Variants in AGAP1 observed in about 807,000 individuals in gnomAD.
The protein encoded by AGAP1 is ArfGAP with GTPase domain, ankyrin repeat and PH domain 1, also known as arf-GAP with GTPase, ANK repeat and PH domain-containing protein 1.
AGAP1 carries 29 observed loss-of-function variants against 105.3 expected under a neutral mutation model. That is an observed-to-expected ratio of 0.28 (90% CI 0.21 to 0.38). AGAP1 has a LOEUF of 0.38. Among genes scored for constraint, AGAP1 ranks in the 10% least tolerant of loss-of-function variants. AGAP1 has a pLI of 1.00. For synonymous variants in AGAP1, 509 were observed against 485.9 expected (o/e 1.05, Z -0.63); for missense variants, 998 against 1,165.1 (o/e 0.86, Z 2.09).
intron 16 of AGAP1, among the ~76,000 whole-genome samples, chr2:236,111,960 C>T (rs1173512472): frequency 6.6e-6 from 1 of 152,180 alleles, no homozygotes; most frequent in African/African-American, 2.4e-5. Flanking sequence ...CGCGACTGGT[C>T]TTGCTCAGGT....
intron 1 of AGAP1, among the ~76,000 whole-genome samples, chr2:235,604,923 C>CG (rs574243459): frequency 4.5e-4 from 68 of 152,094 alleles, no homozygotes; most frequent in African/African-American, 1.3e-3. Context: ...CTCTGTCCCC[C>CG]GGGCTGGAGG....
Position 236,036,543 on chromosome 2 carries a change from C to G in AGAP1, c.1646-18C>G, listed in dbSNP as rs1440450657. The G allele has an allele frequency of 6.2e-7, 1 of 1,613,222 alleles. No homozygotes were observed. Among genetic ancestry groups the G allele is most frequent in the Admixed American group, 1.7e-5 (1 of 59,990 alleles). On this transcript the variant is annotated intron_variant, in intron 13 of 17. Coordinates refer to ENST00000304032, the MANE Select transcript of AGAP1 (RefSeq NM_001037131.3). This position sits in a 1 kb window ranked among gnomAD's most constrained non-coding sequence, Gnocchi z 5.7. The stretch of plus-strand genomic sequence containing the variant: ...TCTCATAAAAGCTAAACTCTTCATC[C>G]CACACTCTGTGTTTCAGAACAAGAA...
At chr2:235,670,532 C>T (rs375080093) in intron 1 of AGAP1, 3 of 482,040 alleles carry the variant, frequency 6.2e-6, no homozygotes, top group South Asian at 3.2e-5. Context: ...GGAGGGGGCC[C>T]GGGCCGCGCC....
intron 6 of AGAP1, among the ~76,000 whole-genome samples, chr2:235,785,448 A>G (rs565930115): frequency 9.2e-5 from 14 of 152,218 alleles, no homozygotes. Flanking sequence ...CTGATTTCAA[A>G]ATCGACTTTT....
chr2:236,048,834 A>C (rs1342332932), intron 15 of AGAP1, among the ~76,000 whole-genome samples: 1 of 152,226 alleles, frequency 6.6e-6, no homozygotes, highest in South Asian at 2.1e-4. Context: ...GGGAAATTCC[A>C]AGGCTTTGGC....
chr2:235,732,642 A>G lies in AGAP1; in HGVS notation c.311-8321A>G, dbSNP rs1054184711. Reference sequence around the variant, plus strand: ...ATTTTCCCTGCTGGGGAGCCTTTGCATAATGTCCCCAGCCCTGCTCTTCAG... The same window carrying G: ...ATTTTCCCTGCTGGGGAGCCTTTGCGTAATGTCCCCAGCCCTGCTCTTCAG... On this transcript the variant is annotated intron_variant, in intron 3 of 17. Coordinates refer to ENST00000304032, the MANE Select transcript of AGAP1 (RefSeq NM_001037131.3). The surrounding 1 kb of genome is among the most constrained non-coding windows in gnomAD (Gnocchi z 4.8). 6.6e-6 allele frequency among the ~76,000 whole-genome samples: 1 copy of G among 151,904 alleles called. No individual in the cohort carries two copies. The highest frequency in any genetic ancestry group is 6.6e-5 in the Admixed American group (1 of 15,258).
chr2:236,019,797 G>A (rs1349246114), intron 13 of AGAP1, among the ~76,000 whole-genome samples: 1 of 152,242 alleles, frequency 6.6e-6, no homozygotes, highest in African/African-American at 2.4e-5. Flanking sequence ...AGGCAGCCCT[G>A]CCTGACAATC....
In AGAP1 at chr2:236,044,149, A is replaced by G. The variant is rs944215808; in HGVS notation, c.1891+3308A>G. Among the ~76,000 whole-genome samples, 2 of 151,822 alleles carry G rather than the reference A, an allele frequency of 1.3e-5. No homozygotes were observed. The highest frequency in any genetic ancestry group is 6.6e-5 in the Admixed American group (1 of 15,232). On this transcript the variant is annotated intron_variant, in intron 15 of 17. Transcript: ENST00000304032. This position sits in a 1 kb window ranked among gnomAD's most constrained non-coding sequence, Gnocchi z 5.7. ...TTTGGGAAACTCTTAACAACGTCCGACTCCCAGGAAGTTGCAGCCTTCGGA... is the reference window on the plus strand; with the variant it reads ...TTTGGGAAACTCTTAACAACGTCCGGCTCCCAGGAAGTTGCAGCCTTCGGA...
At chr2:236,063,946 A>G (rs1437099266) in intron 16 of AGAP1, among the ~76,000 whole-genome samples, 2 of 152,260 alleles carry the variant, frequency 1.3e-5, no homozygotes, top group African/African-American at 2.4e-5. Flanking sequence ...TCTCTGATGT[A>G]CGTGATCTAA....
At chr2:236,091,924 A>G (rs945717137) in intron 16 of AGAP1, among the ~76,000 whole-genome samples, 4 of 152,238 alleles carry the variant, frequency 2.6e-5, no homozygotes, top group Non-Finnish European at 4.4e-5. Flanking sequence ...CACTGTGGAA[A>G]ACTACTTGGC....
chr2:235,724,116 G>T lies in AGAP1; in HGVS notation c.310+6472G>T, dbSNP rs970390857. ...GTCTTCATGAGCTTAATTCAGCAGG[G>T]GCTCCTTCCTTCAGTGATGGAATCT... On this transcript the variant is annotated intron_variant, in intron 3 of 17. Transcript: ENST00000304032. The surrounding 1 kb of genome is among the most constrained non-coding windows in gnomAD (Gnocchi z 4.9). Among the ~76,000 whole-genome samples, 8 of 152,284 alleles carry T rather than the reference G, an allele frequency of 5.3e-5. No homozygotes were observed. Among genetic ancestry groups the T allele is most frequent in the African/African-American group, 1.9e-4 (8 of 41,570 alleles).
rs1022141991 is a variant in AGAP1 at position 235,712,133 on chromosome 2, G to C, written c.222+2896G>C. Among the ~76,000 whole-genome samples the C allele has an allele frequency of 4.0e-5, 6 of 151,770 alleles. No homozygotes were observed. Among genetic ancestry groups the C allele is most frequent in the Non-Finnish European group, 8.8e-5 (6 of 67,972 alleles). ...TGCCTCCTGGGTTCAAGTGATTCTCGTGCCTCAGCCTCCCAAGTAGCTGGG... is the reference window on the plus strand; with the variant it reads ...TGCCTCCTGGGTTCAAGTGATTCTCCTGCCTCAGCCTCCCAAGTAGCTGGG... On this transcript the variant is annotated intron_variant, in intron 2 of 17. Coordinates refer to ENST00000304032, the MANE Select transcript of AGAP1 (RefSeq NM_001037131.3). The surrounding 1 kb of genome is among the most constrained non-coding windows in gnomAD (Gnocchi z 6.0).
intron 16 of AGAP1, among the ~76,000 whole-genome samples, chr2:236,098,573 A>T (rs1439300896): frequency 2.7e-5 from 4 of 150,634 alleles, no homozygotes; most frequent in Non-Finnish European, 4.4e-5. Flanking sequence ...CTATAGCAAA[A>T]ATAAATTAAA....
At chr2:235,575,792 C>A (rs1405843050) in intron 1 of AGAP1, among the ~76,000 whole-genome samples, 1 of 152,138 alleles carries the variant, frequency 6.6e-6, no homozygotes, top group Non-Finnish European at 1.5e-5. Context: ...ATGTGTCTTT[C>A]TTCTGTTTCT....
chr2:235,894,868 A>G (rs969296362), intron 10 of AGAP1, among the ~76,000 whole-genome samples: 1 of 152,080 alleles, frequency 6.6e-6, no homozygotes, highest in African/African-American at 2.4e-5. Flanking sequence ...CCGTTGCCCC[A>G]CCCGCTTCCA....
rs550886940 is a variant in AGAP1, at chr2:236,042,033, G to A, written c.1891+1192G>A. On this transcript the variant is annotated intron_variant, in intron 15 of 17. Transcript: ENST00000304032. This position sits in a 1 kb window ranked among gnomAD's most constrained non-coding sequence, Gnocchi z 5.6. ...AACCAGTAGAAGCTAGTTGGAGTGT[G>A]AGTGCCAAGTGAAACTTTTTCCAGC... is the stretch of plus-strand genomic sequence containing the variant. Among the ~76,000 whole-genome samples the A allele has an allele frequency of 6.6e-6, 1 of 152,310 alleles. No individual in the cohort carries two copies. The highest frequency in any genetic ancestry group is 1.9e-4 in the East Asian group (1 of 5,176).
At chr2:235,886,164 A>G (rs1038086043) in intron 10 of AGAP1, among the ~76,000 whole-genome samples, 1 of 152,192 alleles carries the variant, frequency 6.6e-6, no homozygotes, top group South Asian at 2.1e-4. Flanking sequence ...CTGCCCTGTT[A>G]CTGGCTTAGC....
chr2:236,030,475 G>C (rs2057191041), intron 13 of AGAP1, among the ~76,000 whole-genome samples: 1 of 152,222 alleles, frequency 6.6e-6, no homozygotes, highest in Admixed American at 6.5e-5. Flanking sequence ...GGGCCTCCCG[G>C]CTCCTTTCCT....
Position 235,934,770 on chromosome 2 carries a change from G to T in AGAP1, c.1483+3847G>T. Among the ~76,000 whole-genome samples, 1 of 151,810 alleles carries T rather than the reference G, an allele frequency of 6.6e-6. No individual in the cohort carries two copies. The highest frequency in any genetic ancestry group is 2.1e-4 in the South Asian group (1 of 4,762). ...CTCTGTGCTGGCAGCAGGAATGAAT[G>T]GGGAGAGCCTAAGCAGCTTTGGAAT... On this transcript the variant is annotated intron_variant, in intron 12 of 17. Transcript: ENST00000304032. This position sits in a 1 kb window ranked among gnomAD's most constrained non-coding sequence, Gnocchi z 4.9.
Sources: allele counts gnomAD v4.1 joint callset (sites outside exome capture counted in the v4.1 genomes callset), GRCh38; gene constraint gnomAD v4.1.1; non-coding constraint Gnocchi (gnomAD v3.1); transcripts MANE v1.5; gene names NCBI Gene and HGNC (gene_info 2026-07-23, HGNC 2026-07-21).